RFX3: variants seen among roughly 807,000 people sequenced by gnomAD.
The protein encoded by RFX3 is transcription factor RFX3.
A neutral mutation model predicts 98.6 loss-of-function variants in RFX3; 14 were observed. The ratio of observed to expected loss-of-function variants is 0.14; its 90% CI spans 0.09 to 0.22. The LOEUF (loss-of-function observed/expected upper bound fraction) is 0.22. Ranked by LOEUF, RFX3 falls within the 10% of genes least tolerant of loss-of-function variation. RFX3 has a pLI of 1.00. For synonymous variants in RFX3, 383 were observed against 328.4 expected (o/e 1.17, Z -1.80); for missense variants, 639 against 926.9 (o/e 0.69, Z 4.03).
chr9:3,503,690 C>A (rs1816297488), intron 1 of RFX3, among the ~76,000 whole-genome samples: 1 of 151,980 alleles, frequency 6.6e-6, no homozygotes, highest in Non-Finnish European at 1.5e-5. Flanking sequence ...CTCTCATTTG[C>A]CTTTTATGTC....
At chr9:3,362,254 T>C (rs1342674388) in intron 2 of RFX3, among the ~76,000 whole-genome samples, 1 of 152,234 alleles carries the variant, frequency 6.6e-6, no homozygotes, top group Non-Finnish European at 1.5e-5. Context: ...CTTCTAGGAA[T>C]GGTAGCCCTT....
intron 2 of RFX3, among the ~76,000 whole-genome samples, chr9:3,356,666 C>T (rs1835810354): frequency 6.6e-6 from 1 of 151,800 alleles, no homozygotes; most frequent in Non-Finnish European, 1.5e-5. Context: ...CTAGAAAAGA[C>T]ATTACAAGAA....
chr9:3,348,690 G>A (rs1834734756), intron 2 of RFX3, among the ~76,000 whole-genome samples: 1 of 151,956 alleles, frequency 6.6e-6, no homozygotes, highest in Non-Finnish European at 1.5e-5. Context: ...GAGGTGATCG[G>A]TGTGGTTTTT....
chr9:3,424,384 C>A (rs1315367138), intron 1 of RFX3, among the ~76,000 whole-genome samples: 167 of 80,266 alleles, frequency 2.1e-3, no homozygotes, highest in Middle Eastern at 0.016. Flanking sequence ...TTTTTTGAGA[C>A]GGAGTCTCGC....
intron 15 of RFX3, among the ~76,000 whole-genome samples, chr9:3,234,630 C>A (rs528123077): frequency 6.6e-5 from 10 of 152,122 alleles, no homozygotes; most frequent in African/African-American, 2.2e-4. Context: ...CAGAGCAAGA[C>A]CCAGTCTCAA....
At chr9:3,247,351 G>C in intron 15 of RFX3, 1 of 986,190 alleles carries the variant, frequency 1.0e-6, no homozygotes, top group Non-Finnish European at 1.2e-6. Flanking sequence ...TTAGTGGTTA[G>C]AAGCATATGG....
At chr9:3,340,805 G>A (rs1220286286) in intron 3 of RFX3, among the ~76,000 whole-genome samples, 7 of 152,224 alleles carry the variant, frequency 4.6e-5, no homozygotes, top group Non-Finnish European at 1.0e-4. Context: ...CTCTGTTGGT[G>A]AGACTGTAAA....
At chr9:3,243,556 A>G (rs1456561311) in intron 15 of RFX3, among the ~76,000 whole-genome samples, 1 of 152,176 alleles carries the variant, frequency 6.6e-6, no homozygotes, top group African/African-American at 2.4e-5. Flanking sequence ...GTATGCTTGT[A>G]TATATCTTGT....
At chr9:3,308,301 A>C (rs1268835103) in intron 4 of RFX3, among the ~76,000 whole-genome samples, 1 of 152,140 alleles carries the variant, frequency 6.6e-6, no homozygotes, top group Non-Finnish European at 1.5e-5. Flanking sequence ...TGGTGGGGTG[A>C]GCCATTGTTG....
At chr9:3,490,355 T>G in intron 1 of RFX3, 1 of 972,874 alleles carries the variant, frequency 1.0e-6, no homozygotes, top group Non-Finnish European at 1.2e-6. Context: ...CCTAAAATAT[T>G]AAAAGCAAGA....
At chr9:3,228,946 T>C in intron 15 of RFX3, 57 bp from the exon 16 acceptor site, 1 of 1,453,464 alleles carries the variant, frequency 6.9e-7, no homozygotes, top group Non-Finnish European at 9.4e-7. Context: ...AAAATAATAC[T>C]CTATCAGTCT....
At chr9:3,348,009 T>C (rs1162209502) in intron 2 of RFX3, among the ~76,000 whole-genome samples, 3 of 152,202 alleles carry the variant, frequency 2.0e-5, no homozygotes, top group African/African-American at 2.4e-5. Context: ...GTCCAATCAC[T>C]ATAGTATTGG....
chr9:3,372,083 C>T lies in RFX3; in HGVS notation c.117+23389G>A, dbSNP rs143028165. Among the ~76,000 whole-genome samples, 774 of 152,268 alleles carry T rather than the reference C, an allele frequency of 5.1e-3. 3 individuals carry two copies. Among genetic ancestry groups the T allele is most frequent in the Non-Finnish European group, 8.9e-3 (603 of 68,020 alleles). ...CCCTTACCTCTTCAGTGTACACCGG[C>T]CAAGCTTCTCACTACAGCAACTGTA... On this transcript the variant is annotated intron_variant, in intron 2 of 16. Transcript: ENST00000617270.
chr9:3,315,892 C>G lies in RFX3; in HGVS notation c.475-14272G>C, dbSNP rs761242760. Reference sequence around the variant, plus strand: ...ATTGAGGCAATAACTAATAGCCTACCAACCAAAAAAAGTCCAGGACCAGAC... The same window carrying G: ...ATTGAGGCAATAACTAATAGCCTACGAACCAAAAAAAGTCCAGGACCAGAC... On this transcript the variant is annotated intron_variant, in intron 4 of 16. Transcript: ENST00000617270. Among the ~76,000 whole-genome samples, 14 of 152,040 alleles carry G rather than the reference C, an allele frequency of 9.2e-5. No homozygotes were observed. The South Asian group carries it at 1.0e-3, about 11-fold the overall frequency.
At chr9:3,417,011 A>T (rs1248370205) in intron 1 of RFX3, among the ~76,000 whole-genome samples, 4 of 151,976 alleles carry the variant, frequency 2.6e-5, no homozygotes, top group Non-Finnish European at 5.9e-5. Context: ...TATGACACAG[A>T]TAGATTAAAA....
At chr9:3,248,231 G>C in intron 14 of RFX3, 46 bp from the exon 15 acceptor site, 1 of 1,533,486 alleles carries the variant, frequency 6.5e-7, no homozygotes, top group Non-Finnish European at 8.7e-7. Context: ...TTAGTGACAA[G>C]AATTAGCATT....
chr9:3,475,463 T>C (rs1364703261), intron 1 of RFX3, among the ~76,000 whole-genome samples: 4 of 151,702 alleles, frequency 2.6e-5, no homozygotes, highest in Non-Finnish European at 5.9e-5. Flanking sequence ...GTCACATGAG[T>C]CACATGTCCA....
rs545071980 is a variant in RFX3, at chr9:3,299,813, A to T, written c.549+1733T>A. On this transcript the variant is annotated intron_variant, in intron 5 of 16. Coordinates refer to ENST00000617270, the MANE Select transcript of RFX3 (RefSeq NM_001282116.2). ...AAATCAACAAATACATTTTTAAAAT[A>T]TATAAGAAACATGTTCTTATACTTC... Among the ~76,000 whole-genome samples the T allele has an allele frequency of 2.0e-5, 3 of 151,976 alleles. No individual in the cohort carries two copies. The South Asian group carries it at 6.2e-4, about 31-fold the overall frequency.
intron 1 of RFX3, among the ~76,000 whole-genome samples, chr9:3,525,238 A>T (rs1352178357): frequency 6.6e-6 from 1 of 152,180 alleles, no homozygotes; most frequent in African/African-American, 2.4e-5. Flanking sequence ...GTGAACAACA[A>T]CAACAACAAA....
Sources: allele counts gnomAD v4.1 joint callset (sites outside exome capture counted in the v4.1 genomes callset), GRCh38; gene constraint gnomAD v4.1.1; transcripts MANE v1.5; gene names NCBI Gene and HGNC (gene_info 2026-07-23, HGNC 2026-07-21).